The following USP32 variants were observed in gnomAD, a reference collection of about 807,000 sequenced individuals.
USP32 encodes the protein ubiquitin specific peptidase 32, also known as ubiquitin carboxyl-terminal hydrolase 32.
A neutral mutation model predicts 204.8 loss-of-function variants in USP32; 59 were observed. That is an observed-to-expected ratio of 0.29 (90% CI 0.23 to 0.36). The LOEUF (loss-of-function observed/expected upper bound fraction) is 0.36. Among genes scored for constraint, USP32 ranks in the 10% least tolerant of loss-of-function variants. The pLI is 1.00. For missense variants in USP32, 1,160 were observed against 1,946.4 expected (o/e 0.60, Z 7.60); for synonymous variants, 517 against 678.4 (o/e 0.76, Z 3.70).
At chr17:60,379,565 G>T (rs1481300632) in intron 1 of USP32, among the ~76,000 whole-genome samples, 2 of 152,144 alleles carry the variant, frequency 1.3e-5, no homozygotes, top group Non-Finnish European at 2.9e-5. Context: ...ATGCGCAAAA[G>T]TCTTCTAAAT....
intron 1 of USP32, among the ~76,000 whole-genome samples, chr17:60,410,105 C>A (rs559001355): frequency 5.9e-5 from 9 of 152,332 alleles, no homozygotes; most frequent in African/African-American, 2.2e-4. Flanking sequence ...GATTTGTAAT[C>A]TCCCCAGTTG....
At chr17:60,337,157 G>C (rs1856562612) in intron 2 of USP32, among the ~76,000 whole-genome samples, 1 of 152,092 alleles carries the variant, frequency 6.6e-6, no homozygotes. Context: ...CCTAAACCTA[G>C]ACTATCTGGT....
At chr17:60,291,217 T>A (rs767440767) in intron 4 of USP32, among the ~76,000 whole-genome samples, 1 of 152,216 alleles carries the variant, frequency 6.6e-6, no homozygotes, top group Non-Finnish European at 1.5e-5. Flanking sequence ...TGAAATTCAC[T>A]TGCCCATTGG....
intron 11 of USP32, among the ~76,000 whole-genome samples, chr17:60,250,166 A>G (rs1598141974): frequency 6.6e-6 from 1 of 152,284 alleles, no homozygotes; most frequent in South Asian, 2.1e-4. Flanking sequence ...GTCCCATGTA[A>G]TTTCAGGTCC....
chr17:60,283,337 C>A (rs1163013317), intron 5 of USP32, among the ~76,000 whole-genome samples: 3 of 152,106 alleles, frequency 2.0e-5, no homozygotes, highest in African/African-American at 7.2e-5. Flanking sequence ...AACTAAGAGA[C>A]TCTGAAGCCA....
Position 60,331,011 on chromosome 17 carries a change from C to G in USP32, c.186+14470G>C, listed in dbSNP as rs2088369768. ...GTCATATACCTAAATTCCTACAATT[C>G]TGATCAAAGTTTTGGAAGTTCTTTT... On this transcript the variant is annotated intron_variant, in intron 2 of 33. Coordinates refer to ENST00000300896, the MANE Select transcript of USP32 (RefSeq NM_032582.4). Among the ~76,000 whole-genome samples the G allele has an allele frequency of 2.0e-5, 3 of 152,140 alleles. No homozygotes were observed. The South Asian group carries it at 6.2e-4, about 32-fold the overall frequency.
intron 9 of USP32, chr17:60,257,001 A>G: frequency 3.8e-6 from 1 of 264,546 alleles, no homozygotes; most frequent in Non-Finnish European, 7.5e-6. Flanking sequence ...ACTAATAATG[A>G]AGAACTACAG....
At chr17:60,278,687 A>G (rs1481204822) in intron 5 of USP32, among the ~76,000 whole-genome samples, 1 of 152,220 alleles carries the variant, frequency 6.6e-6, no homozygotes, top group East Asian at 1.9e-4. Flanking sequence ...TTAGTTTCCA[A>G]TGACAAAACA....
At chr17:60,348,405 AAGG>A (rs1488323026) in intron 1 of USP32, among the ~76,000 whole-genome samples, 13 of 152,280 alleles carry the variant, frequency 8.5e-5, no homozygotes, top group Admixed American at 3.3e-4. Context: ...AGGAGAAAAG[AAGG>A]AGAAGTAGAA....
At chr17:60,358,295 C>G (rs1043889687) in intron 1 of USP32, among the ~76,000 whole-genome samples, 1 of 152,088 alleles carries the variant, frequency 6.6e-6, no homozygotes, top group Admixed American at 6.6e-5. Flanking sequence ...ACAATCCAGG[C>G]TGGGCATGGT....
chr17:60,325,972 CAAAA>C (rs374347100), intron 2 of USP32, among the ~76,000 whole-genome samples: 1 of 58,282 alleles, frequency 1.7e-5, no homozygotes. Context: ...GACTCTGTCT[CAAAA>C]AAAAAAAAAA....
intron 5 of USP32, among the ~76,000 whole-genome samples, chr17:60,280,566 C>T (rs1460210783): frequency 6.6e-6 from 1 of 152,186 alleles, no homozygotes; most frequent in Non-Finnish European, 1.5e-5. Flanking sequence ...TAATTAAAGG[C>T]ATCTGCATGT....
intron 2 of USP32, among the ~76,000 whole-genome samples, chr17:60,312,587 C>T (rs2087880739): frequency 6.6e-6 from 1 of 151,164 alleles, no homozygotes; most frequent in South Asian, 2.1e-4. Context: ...CGCACAGGAA[C>T]ATGCCATCAC....
chr17:60,327,917 A>G (rs1044962425), intron 2 of USP32, among the ~76,000 whole-genome samples: 3 of 152,214 alleles, frequency 2.0e-5, no homozygotes, highest in East Asian at 3.9e-4. Flanking sequence ...CCCGCTTTGG[A>G]CTTTGGGCAC....
chr17:60,315,323 C>A (rs1412045036), intron 2 of USP32, among the ~76,000 whole-genome samples: 1 of 152,122 alleles, frequency 6.6e-6, no homozygotes, highest in Non-Finnish European at 1.5e-5. Flanking sequence ...TGGCTTGAAC[C>A]CGGAAGGCAG....
chr17:60,372,607 A>C lies in USP32; in HGVS notation c.58+19275T>G, dbSNP rs548646784. 9.9e-5 allele frequency among the ~76,000 whole-genome samples: 15 copies of C among 151,420 alleles called. No individual in the cohort carries two copies. The South Asian group carries it at 3.1e-3, about 32-fold the overall frequency. On this transcript the variant is annotated intron_variant, in intron 1 of 33. Transcript: ENST00000300896. The stretch of plus-strand genomic sequence containing the variant: ...GTAATCCCAGCACTTTGGAAGACTG[A>C]GGTGGGAGAATCACTTGAGGCCAGG...
intron 11 of USP32, among the ~76,000 whole-genome samples, chr17:60,244,529 C>A (rs997066256): frequency 6.6e-6 from 1 of 152,132 alleles, no homozygotes; most frequent in Non-Finnish European, 1.5e-5. Flanking sequence ...AAATAGGTAA[C>A]ATTTTAATGC....
At chr17:60,244,297 C>G (rs977568636) in intron 11 of USP32, among the ~76,000 whole-genome samples, 5 of 152,076 alleles carry the variant, frequency 3.3e-5, no homozygotes. Context: ...GGATTACAGG[C>G]ATGAGCCACC....
chr17:60,391,786 A>C, intron 1 of USP32, 96 bp downstream of exon 1: 3 of 1,361,706 alleles, frequency 2.2e-6, no homozygotes, highest in Admixed American at 2.2e-5. Flanking sequence ...CAGGCGCCCC[A>C]CGCCCTCAAT....
Sources: allele counts gnomAD v4.1 joint callset (sites outside exome capture counted in the v4.1 genomes callset), GRCh38; gene constraint gnomAD v4.1.1; transcripts MANE v1.5; gene names NCBI Gene and HGNC (gene_info 2026-07-23, HGNC 2026-07-21).